The following NRXN1 variants were observed in gnomAD, a reference collection of about 807,000 sequenced individuals.
NRXN1 encodes the protein neurexin 1.
A neutral mutation model predicts 150.9 loss-of-function variants in NRXN1; 39 were observed. That is an observed-to-expected ratio of 0.26 (90% confidence interval 0.20 to 0.34). NRXN1 has a LOEUF of 0.34. NRXN1 is among the 10% of genes least tolerant of loss of function. The probability of loss-of-function intolerance (pLI) is 1.00; values close to 1 mark genes in which losing one functional copy is unlikely to be tolerated. For synonymous variants in NRXN1, 924 were observed against 757.0 expected (o/e 1.22, Z -3.62); for missense variants, 1,815 against 1,949.9 (o/e 0.93, Z 1.30).
intron 8 of NRXN1, among the ~76,000 whole-genome samples, chr2:50,606,429 C>A (rs968104319): frequency 6.6e-6 from 1 of 151,500 alleles, no homozygotes; most frequent in African/African-American, 2.4e-5. Context: ...ATTGTGGTTG[C>A]CAGGGCCTGG....
At chr2:50,352,779 T>TAATA (rs1558582630) in intron 17 of NRXN1, among the ~76,000 whole-genome samples, 203 of 94,336 alleles carry the variant, frequency 2.2e-3, no homozygotes, top group African/African-American at 5.5e-3. Flanking sequence ...ATAATAATAT[T>TAATA]ATAATAATAA....
chr2:50,297,330 T>C (rs2073704738), intron 17 of NRXN1, among the ~76,000 whole-genome samples: 1 of 152,218 alleles, frequency 6.6e-6, no homozygotes, highest in Admixed American at 6.5e-5. Flanking sequence ...GTTGGCAATT[T>C]GGCTATGAAT....
chr2:49,924,111 A>T (rs1026973354), intron 22 of NRXN1, among the ~76,000 whole-genome samples: 1 of 152,220 alleles, frequency 6.6e-6, no homozygotes, highest in Admixed American at 6.5e-5. Context: ...AAAGTGTGCC[A>T]ATTAACTCAG....
intron 5 of NRXN1, among the ~76,000 whole-genome samples, chr2:50,730,864 A>G (rs1187815237): frequency 6.6e-6 from 1 of 151,770 alleles, no homozygotes; most frequent in Non-Finnish European, 1.5e-5. Context: ...TAGTAGAGAC[A>G]GGGTTTCACC....
intron 17 of NRXN1, among the ~76,000 whole-genome samples, chr2:50,259,780 T>G (rs925454664): frequency 3.9e-5 from 6 of 151,940 alleles, no homozygotes; most frequent in Admixed American, 3.9e-4. Context: ...GGTTTCACTA[T>G]ACTATATTGT....
chr2:50,161,032 C>T (rs1338217262), intron 18 of NRXN1, among the ~76,000 whole-genome samples: 2 of 152,082 alleles, frequency 1.3e-5, no homozygotes, highest in East Asian at 3.9e-4. Context: ...ACTGTAACAG[C>T]ATTTTAGGGG....
chr2:50,131,856 A>C (rs956004921), intron 18 of NRXN1, among the ~76,000 whole-genome samples: 1 of 152,194 alleles, frequency 6.6e-6, no homozygotes, highest in African/African-American at 2.4e-5. Flanking sequence ...TGGTTATCCT[A>C]CTGTCAGGAC....
intron 18 of NRXN1, among the ~76,000 whole-genome samples, chr2:50,188,667 A>G (rs2061245671): frequency 6.6e-6 from 1 of 152,120 alleles, no homozygotes; most frequent in Non-Finnish European, 1.5e-5. Context: ...GAACTTAAAC[A>G]AATTTACAAG....
intron 5 of NRXN1, among the ~76,000 whole-genome samples, chr2:50,790,186 G>C (rs1283329421): frequency 6.6e-6 from 1 of 151,478 alleles, no homozygotes; most frequent in Non-Finnish European, 1.5e-5. Context: ...CTGTCCCATG[G>C]CTTCCGAATT....
chr2:50,032,721 A>C (rs2152568981), intron 21 of NRXN1, among the ~76,000 whole-genome samples: 1 of 152,052 alleles, frequency 6.6e-6, no homozygotes, highest in South Asian at 2.1e-4. Context: ...TGTCCTTATG[A>C]GAATAAAAAG....
rs149019660 is a variant in NRXN1 at position 50,301,933 on chromosome 2, C to T, written c.3365-64963G>A. 3.9e-5 allele frequency among the ~76,000 whole-genome samples: 6 copies of T among 152,232 alleles called. No homozygotes were observed. The East Asian group carries it at 1.2e-3, about 29-fold the overall frequency. On this transcript the variant is annotated intron_variant, in intron 17 of 22. Transcript: ENST00000401669. The stretch of plus-strand genomic sequence containing the variant: ...AGCCTCCTTTGAGTACAAAGTCTTT[C>T]CAAAGATCTCTTTTGTGTTCTTCCC...
intron 21 of NRXN1, among the ~76,000 whole-genome samples, chr2:50,050,730 A>G (rs1665609494): frequency 6.6e-6 from 1 of 151,944 alleles, no homozygotes; most frequent in Non-Finnish European, 1.5e-5. Context: ...AATTATGGAA[A>G]ATTTTCAACA....
At chr2:50,286,106 A>C (rs1204885177) in intron 17 of NRXN1, among the ~76,000 whole-genome samples, 1 of 152,160 alleles carries the variant, frequency 6.6e-6, no homozygotes, top group Non-Finnish European at 1.5e-5. Flanking sequence ...GCCAATTTAC[A>C]TGTTACCTCA....
intron 5 of NRXN1, among the ~76,000 whole-genome samples, chr2:50,796,370 G>C (rs1706829449): frequency 6.6e-6 from 1 of 152,090 alleles, no homozygotes. Flanking sequence ...TTGGAATGAA[G>C]GCCTTCTGGC....
intron 5 of NRXN1, among the ~76,000 whole-genome samples, chr2:50,889,154 C>T (rs977033835): frequency 3.3e-5 from 5 of 151,556 alleles, no homozygotes; most frequent in East Asian, 1.9e-4. Flanking sequence ...AGAATTTTAG[C>T]TTTGTAAACT....
At chr2:50,065,141 A>G (rs1695172396) in intron 19 of NRXN1, among the ~76,000 whole-genome samples, 1 of 152,158 alleles carries the variant, frequency 6.6e-6, no homozygotes, top group Admixed American at 6.5e-5. Context: ...TAAGAAAATA[A>G]TGTATTGAGT....
chr2:49,970,555 T>C (rs1677768139), intron 21 of NRXN1: 1 of 152,086 alleles, frequency 6.6e-6, no homozygotes, highest in Admixed American at 6.6e-5. Flanking sequence ...AATATTGTCC[T>C]TAGCTCCATT....
At chr2:50,349,831 A>G (rs2078285752) in intron 17 of NRXN1, among the ~76,000 whole-genome samples, 1 of 152,202 alleles carries the variant, frequency 6.6e-6, no homozygotes, top group Non-Finnish European at 1.5e-5. Context: ...CATCTAAAAG[A>G]TACGTAGAAC....
intron 21 of NRXN1, among the ~76,000 whole-genome samples, chr2:50,012,859 A>T (rs1558691090): frequency 6.6e-6 from 1 of 152,108 alleles, no homozygotes. Flanking sequence ...TTAATAGTTA[A>T]CCCATGGAAT....
Sources: gnomAD v4.1 joint callset for allele counts (sites outside exome capture counted in the v4.1 genomes callset) on GRCh38, gnomAD v4.1.1 for gene constraint, MANE v1.5 for transcripts, NCBI Gene and HGNC (gene_info 2026-07-23, HGNC 2026-07-21) for gene names.